DMD: variants seen among roughly 807,000 people sequenced by gnomAD.
The protein encoded by DMD is mutant dystrophin.
Under a neutral mutation model 330.1 loss-of-function variants are expected in DMD, and 63 were observed. The observed-to-expected ratio is 0.19, with a 90% CI of 0.16 to 0.24. The LOEUF (loss-of-function observed/expected upper bound fraction) is 0.24. Among genes scored for constraint, DMD ranks in the 10% least tolerant of loss-of-function variants. DMD has a pLI of 1.00. For synonymous variants in DMD, 1,223 were observed against 959.8 expected, an observed-to-expected ratio of 1.27 and a Z score of -5.07; for missense variants, 3,344 against 2,684.1, an observed-to-expected ratio of 1.25 and a Z score of -5.43.
At chrX:32,739,975 C>A (rs1032589723) in intron 7 of DMD, among the ~76,000 whole-genome samples, 1 of 110,242 alleles carries the variant, frequency 9.1e-6, no homozygotes, top group Non-Finnish European at 1.9e-5. Flanking sequence ...AGTCTATTCA[C>A]CAAAGTTCCA....
At chrX:32,534,836 T>A (rs2047808607) in intron 17 of DMD, among the ~76,000 whole-genome samples, 1 of 110,752 alleles carries the variant, frequency 9.0e-6, no homozygotes, top group Non-Finnish European at 1.9e-5. Flanking sequence ...ATATAAGAAT[T>A]TAGGGAGGAC....
chrX:32,860,257 C>G (rs6631654), intron 2 of DMD, among the ~76,000 whole-genome samples: 18,188 of 111,218 alleles, frequency 0.16, 1,178 homozygotes, highest in East Asian at 0.37. Context: ...TAAGTGGTTT[C>G]TGATTCTTCA....
chrX:32,917,996 A>G (rs1244401046), intron 2 of DMD, among the ~76,000 whole-genome samples: 2 of 108,466 alleles, frequency 1.8e-5, no homozygotes, highest in Non-Finnish European at 3.9e-5. Context: ...AAAAAAAAAA[A>G]GAAAGAAAAG....
intron 19 of DMD, among the ~76,000 whole-genome samples, chrX:32,496,671 C>T (rs1376607736): frequency 2.7e-5 from 3 of 112,833 alleles, no homozygotes; most frequent in East Asian, 2.8e-4. Context: ...CACATGTCTG[C>T]GCATGCGAGT....
chrX:31,434,417 CG>C, intron 60 of DMD, among the ~76,000 whole-genome samples: 1 of 70,904 alleles, frequency 1.4e-5, no homozygotes, highest in Non-Finnish European at 2.5e-5. Flanking sequence ...GCAGCGCGCG[CG>C]CACACACACA....
chrX:32,974,172 A>G (rs896733641), intron 2 of DMD, among the ~76,000 whole-genome samples: 1 of 111,944 alleles, frequency 8.9e-6, no homozygotes, highest in Non-Finnish European at 1.9e-5. Flanking sequence ...ATTATGCAAA[A>G]TGAAAGATTA....
intron 7 of DMD, among the ~76,000 whole-genome samples, chrX:32,765,885 GTATTT>G (rs1344718443): frequency 1.8e-5 from 2 of 111,418 alleles, no homozygotes; most frequent in Non-Finnish European, 3.8e-5. Context: ...TAATTTTTGT[GTATTT>G]TATAAGAGTC....
intron 2 of DMD, among the ~76,000 whole-genome samples, chrX:32,904,990 A>G (rs1257927739): frequency 1.8e-5 from 2 of 112,458 alleles, no homozygotes; most frequent in Non-Finnish European, 3.8e-5. Context: ...GCTAGGTTTA[A>G]CATTGTGTTG....
At chrX:32,284,896 G>T (rs1178407389) in intron 43 of DMD, among the ~76,000 whole-genome samples, 1 of 111,679 alleles carries the variant, frequency 9.0e-6, no homozygotes, top group African/African-American at 3.3e-5. Flanking sequence ...GATCTATTGG[G>T]GCTAGAGAAA....
At chrX:32,587,366 CATTAA>C (rs1322219469) in intron 13 of DMD, among the ~76,000 whole-genome samples, 2 of 112,065 alleles carry the variant, frequency 1.8e-5, no homozygotes, top group Admixed American at 9.5e-5. Context: ...GAGATGTTAC[CATTAA>C]ATGTCTGTCA....
chrX:31,825,679 T>C (rs1479794621), intron 49 of DMD, among the ~76,000 whole-genome samples: 1 of 112,033 alleles, frequency 8.9e-6, no homozygotes, highest in Non-Finnish European at 1.9e-5. Flanking sequence ...GAATTTCATG[T>C]TCCTCATATA....
chrX:31,259,997 T>A (rs987535207), intron 63 of DMD, among the ~76,000 whole-genome samples: 2 of 107,426 alleles, frequency 1.9e-5, no homozygotes, highest in Non-Finnish European at 3.9e-5. Flanking sequence ...AGAAAAGACA[T>A]GACGTTTTTA....
At chrX:31,894,994 T>C (rs780762033) in intron 47 of DMD, among the ~76,000 whole-genome samples, 47 of 112,005 alleles carry the variant, frequency 4.2e-4, no homozygotes, top group Non-Finnish European at 5.1e-4. Flanking sequence ...AGAAAAATTA[T>C]TTAGGGCCTT....
At chrX:32,354,746 G>T (rs1263174747) in intron 37 of DMD, among the ~76,000 whole-genome samples, 1 of 111,274 alleles carries the variant, frequency 9.0e-6, no homozygotes, top group Non-Finnish European at 1.9e-5. Flanking sequence ...ACTAATTTGT[G>T]AGGCTAATTA....
chrX:31,413,893 A>T (rs976539854), intron 60 of DMD, among the ~76,000 whole-genome samples: 1 of 111,467 alleles, frequency 9.0e-6, no homozygotes, highest in Non-Finnish European at 1.9e-5. Flanking sequence ...TACAATATTA[A>T]GGTGAAAACT....
At chrX:33,070,371 T>C (rs1184663869) in intron 1 of DMD, among the ~76,000 whole-genome samples, 1 of 110,343 alleles carries the variant, frequency 9.1e-6, no homozygotes, top group Non-Finnish European at 1.9e-5. Context: ...CCCAGCACTA[T>C]GACTGACAGC....
intron 44 of DMD, among the ~76,000 whole-genome samples, chrX:32,071,252 A>T (rs969306576): frequency 9.1e-6 from 1 of 110,097 alleles, no homozygotes; most frequent in Admixed American, 9.7e-5. Flanking sequence ...TGACTTCCAC[A>T]ATGGTTGAAC....
intron 12 of DMD, among the ~76,000 whole-genome samples, chrX:32,608,824 C>T (rs1450423658): frequency 1.8e-5 from 2 of 110,455 alleles, no homozygotes; most frequent in Non-Finnish European, 3.8e-5. Context: ...CCCTTACCAT[C>T]ATAACCATTA....
At chrX:32,117,174 G>A (rs754065223) in intron 44 of DMD, among the ~76,000 whole-genome samples, 2 of 110,905 alleles carry the variant, frequency 1.8e-5, no homozygotes, top group Non-Finnish European at 3.8e-5. Context: ...ATTCTTAAGA[G>A]AAAGGGCATT....
Sources: gnomAD v4.1 joint callset for allele counts (sites outside exome capture counted in the v4.1 genomes callset) on GRCh38, gnomAD v4.1.1 for gene constraint, MANE v1.5 for transcripts, NCBI Gene and HGNC (gene_info 2026-07-23, HGNC 2026-07-21) for gene names.